Variants in DOCK2 observed in about 807,000 individuals in gnomAD.
DOCK2 encodes dedicator of cytokinesis protein 2.
DOCK2 carries 87 observed loss-of-function variants against 248.9 expected under a neutral mutation model. The observed-to-expected ratio is 0.35, with a 90% confidence interval of 0.29 to 0.42. The LOEUF (loss-of-function observed/expected upper bound fraction) is 0.42, where lower values mean the gene tolerates loss of function less well. DOCK2 is among the 10% of genes least tolerant of loss of function. DOCK2 has a pLI of 1.00. For synonymous variants in DOCK2, 805 were observed against 821.6 expected (o/e 0.98, Z 0.35); for missense variants, 1,747 against 2,300.2 (o/e 0.76, Z 4.92).
rs1757086067 is a variant in DOCK2 at position 170,055,342 on chromosome 5, A to G, written c.4251A>G (p.Glu1417=). ...TCACTGTCCAGCCTGTCTTGGATGA[A>G]CATCCCAGGTTCAAGAATAAGCCAG... ...QCFTVQPVLD[E]HPRFKNKPVP... The change falls in exon 42 of 52, where the codon GAA becomes GAG. Residue 1417 remains glutamate (E), a synonymous_variant. Transcript: ENST00000520908. The G allele has an allele frequency of 6.2e-7, 1 of 1,613,994 alleles. No individual in the cohort carries two copies. The highest frequency in any genetic ancestry group is 1.3e-5 in the African/African-American group (1 of 74,924).
intron 22 of DOCK2, among the ~76,000 whole-genome samples, chr5:169,726,702 G>C (rs1217056436): frequency 6.6e-6 from 1 of 152,186 alleles, no homozygotes; most frequent in African/African-American, 2.4e-5. Context: ...TAGTAAGTCA[G>C]CCTTCCTCAA....
In DOCK2 at chr5:169,894,458, C is replaced by T. The variant is rs563133945; in HGVS notation, c.2799+53606C>T. On this transcript the variant is annotated intron_variant, in intron 27 of 51. Transcript: ENST00000520908. Reference sequence around the variant, plus strand: ...CTGTTGGGCCCTGGACTCTGCAGTGCGCCATCCACCCTGGTACAGCAAAGC... The same window carrying T: ...CTGTTGGGCCCTGGACTCTGCAGTGTGCCATCCACCCTGGTACAGCAAAGC... Among the ~76,000 whole-genome samples, 20 of 152,280 alleles carry T rather than the reference C, an allele frequency of 1.3e-4. No individual in the cohort carries two copies. The South Asian group carries it at 1.7e-3, about 13-fold the overall frequency.
At chr5:169,778,602 C>T (rs1202392924) in intron 25 of DOCK2, among the ~76,000 whole-genome samples, 2 of 152,234 alleles carry the variant, frequency 1.3e-5, no homozygotes, top group Non-Finnish European at 2.9e-5. Context: ...TAAACAGTTG[C>T]TCTGCCCTAC....
intron 27 of DOCK2, among the ~76,000 whole-genome samples, chr5:169,965,172 A>G (rs1009698308): frequency 2.6e-5 from 4 of 152,236 alleles, no homozygotes; most frequent in African/African-American, 7.2e-5. Context: ...CTTACAAAAG[A>G]TACATTTTCT....
chr5:170,080,979 G>A (rs1443446997), intron 50 of DOCK2: 1 of 152,630 alleles, frequency 6.6e-6, no homozygotes, highest in Non-Finnish European at 1.5e-5. Flanking sequence ...TCATGGTGAA[G>A]ACGCTTGCTG....
intron 26 of DOCK2, among the ~76,000 whole-genome samples, chr5:169,814,467 C>T (rs529688191): frequency 6.6e-6 from 1 of 152,146 alleles, no homozygotes; most frequent in African/African-American, 2.4e-5. Context: ...TGAATTGAAT[C>T]ATGGACGAGA....
intron 26 of DOCK2, among the ~76,000 whole-genome samples, chr5:169,803,426 T>C (rs1767122035): frequency 6.6e-6 from 1 of 152,206 alleles, no homozygotes; most frequent in South Asian, 2.1e-4. Context: ...GTGTGTCTTG[T>C]TGGCCAGGCT....
At chr5:170,053,212 C>A (rs1310687780) in intron 41 of DOCK2, among the ~76,000 whole-genome samples, 1 of 152,214 alleles carries the variant, frequency 6.6e-6, no homozygotes, top group African/African-American at 2.4e-5. Context: ...TTTGGATTCT[C>A]CTCTTGGGCC....
chr5:169,928,444 C>T (rs1775581780), intron 27 of DOCK2, among the ~76,000 whole-genome samples: 1 of 152,250 alleles, frequency 6.6e-6, no homozygotes, highest in Non-Finnish European at 1.5e-5. Flanking sequence ...GTTCCCCAGC[C>T]TTAGTTCTAC....
intron 27 of DOCK2, among the ~76,000 whole-genome samples, chr5:169,920,444 G>C (rs776480408): frequency 6.6e-6 from 1 of 152,168 alleles, no homozygotes. Flanking sequence ...GGCAAAGTTT[G>C]TAAGGTGGTT....
At chr5:169,917,601 G>A (rs111377313) in intron 27 of DOCK2, among the ~76,000 whole-genome samples, 2 of 152,144 alleles carry the variant, frequency 1.3e-5, no homozygotes, top group African/African-American at 4.8e-5. Flanking sequence ...TTTTCTAATC[G>A]ATTGCTTGCT....
chr5:169,883,595 TG>T, intron 27 of DOCK2: 1 of 1,551,654 alleles, frequency 6.4e-7, no homozygotes. Context: ...TTCCTGAGAC[TG>T]GGGGAAGTTT....
At chr5:169,746,739 A>G (rs1223256222) in intron 22 of DOCK2, among the ~76,000 whole-genome samples, 1 of 152,204 alleles carries the variant, frequency 6.6e-6, no homozygotes, top group Non-Finnish European at 1.5e-5. Flanking sequence ...TATTATAGGC[A>G]TTGAAAGTCC....
At chr5:169,851,553 TTGCTGC>T (rs2113373554) in intron 27 of DOCK2, among the ~76,000 whole-genome samples, 1 of 152,334 alleles carries the variant, frequency 6.6e-6, no homozygotes, top group East Asian at 1.9e-4. Flanking sequence ...GCCATTGCTG[TTGCTGC>T]TGCTGCTGTT....
intron 26 of DOCK2, among the ~76,000 whole-genome samples, chr5:169,815,868 C>G (rs548779462): frequency 6.6e-6 from 1 of 152,168 alleles, no homozygotes; most frequent in African/African-American, 2.4e-5. Flanking sequence ...GGAGAAGGTA[C>G]CCTTCTATTC....
intron 27 of DOCK2, among the ~76,000 whole-genome samples, chr5:169,948,549 T>C (rs1316179603): frequency 1.3e-5 from 2 of 152,058 alleles, no homozygotes; most frequent in Non-Finnish European, 2.9e-5. Context: ...TAGATTTTCA[T>C]AGATCTCTCT....
intron 6 of DOCK2, 75 bp downstream of exon 6, chr5:169,674,520 T>G: frequency 6.4e-7 from 1 of 1,566,802 alleles, no homozygotes; most frequent in African/African-American, 1.4e-5. Context: ...CCCAGAAGCT[T>G]GTTTTCATTT....
chr5:169,691,829 T>TTTTATTTA (rs543766613), intron 9 of DOCK2, among the ~76,000 whole-genome samples: 16 of 150,384 alleles, frequency 1.1e-4, no homozygotes, highest in Admixed American at 8.6e-4. Flanking sequence ...CTATGTTTTG[T>TTTTATTTA]TTTATTTATT....
intron 27 of DOCK2, among the ~76,000 whole-genome samples, chr5:169,879,939 C>A (rs1255874705): frequency 6.6e-6 from 1 of 152,130 alleles, no homozygotes; most frequent in African/African-American, 2.4e-5. Flanking sequence ...GAGAGACTAT[C>A]CAAAATTTAA....
Sources: allele counts gnomAD v4.1 joint callset (sites outside exome capture counted in the v4.1 genomes callset), GRCh38; gene constraint gnomAD v4.1.1; transcripts MANE v1.5; gene names NCBI Gene and HGNC (gene_info 2026-07-23, HGNC 2026-07-21).